KLHL8: variants seen among roughly 807,000 people sequenced by gnomAD.
KLHL8 encodes the protein kelch like family member 8, also known as kelch-like protein 8.
KLHL8 carries 38 observed loss-of-function variants against 63.5 expected under a neutral mutation model. The observed-to-expected ratio is 0.60, with a 90% CI of 0.46 to 0.78. The LOEUF (loss-of-function observed/expected upper bound fraction) is 0.78. Among genes scored for constraint, KLHL8 ranks in the 30% least tolerant of loss-of-function variants. The pLI is 0.00. For missense variants in KLHL8, 566 were observed against 752.4 expected (o/e 0.75, Z 2.90); for synonymous variants, 224 against 254.3 (o/e 0.88, Z 1.13).
intron 1 of KLHL8, among the ~76,000 whole-genome samples, chr4:87,238,507 C>A (rs956960252): frequency 1.3e-5 from 2 of 151,998 alleles, no homozygotes; most frequent in Non-Finnish European, 2.9e-5. Context: ...CCTAGCAAGA[C>A]CCTGTCACAC....
At chr4:87,195,218 A>G (rs1731646112) in intron 2 of KLHL8, 106 bp downstream of exon 2, 1 of 763,420 alleles carries the variant, frequency 1.3e-6, no homozygotes, top group Non-Finnish European at 2.1e-6. Context: ...TTCTGACTGT[A>G]TCAAATATGT....
At chr4:87,226,270 G>T (rs1313028131) in intron 1 of KLHL8, among the ~76,000 whole-genome samples, 1 of 151,956 alleles carries the variant, frequency 6.6e-6, no homozygotes, top group African/African-American at 2.4e-5. Flanking sequence ...TTAAGATATA[G>T]CTCTATATTA....
chr4:87,196,987 ACT>A (rs900298970), intron 1 of KLHL8, among the ~76,000 whole-genome samples: 1 of 152,132 alleles, frequency 6.6e-6, no homozygotes, highest in African/African-American at 2.4e-5. Context: ...GTTTCAGAAA[ACT>A]CTAAATATTC....
At chr4:87,211,067 C>T (rs1434710483) in intron 1 of KLHL8, among the ~76,000 whole-genome samples, 1 of 152,216 alleles carries the variant, frequency 6.6e-6, no homozygotes, top group Non-Finnish European at 1.5e-5. Context: ...CTCTTCACTG[C>T]TATTACTCCC....
chr4:87,181,805 C>A (rs1731063010), intron 4 of KLHL8, among the ~76,000 whole-genome samples: 1 of 152,128 alleles, frequency 6.6e-6, no homozygotes, highest in Non-Finnish European at 1.5e-5. Flanking sequence ...ATTTATATGA[C>A]TGTCTAGTAT....
In KLHL8 at chr4:87,195,357, A is replaced by C; in HGVS notation, c.183T>G (p.Tyr61Ter). The change falls in exon 2 of 10, where the codon TAT (tyrosine) becomes TAG (stop). Residue 61 changes from tyrosine to a stop codon, truncating the protein, a stop_gained. Coordinates refer to ENST00000273963, the MANE Select transcript of KLHL8 (RefSeq NM_020803.5). LOFTEE classifies it high-confidence loss of function. Reference sequence around the variant, plus strand: ...TGACATCACAGAGTTCTCCATTTTCATAAAATCGAAGAAGAGAACCATGAA... The same window carrying C: ...TGACATCACAGAGTTCTCCATTTTCCTAAAATCGAAGAAGAGAACCATGAA... Reference protein sequence around the residue: ...KDFHGSLLRFYENGELCDVTL... With the variant: ...KDFHGSLLRF The C allele has an allele frequency of 1.2e-6, 2 of 1,612,776 alleles. No individual in the cohort carries two copies. The highest frequency in any genetic ancestry group is 1.7e-6 in the Non-Finnish European group (2 of 1,179,864).
rs545218869 is a variant in KLHL8, at chr4:87,218,078, A to G, written c.-152+2340T>C. Among the ~76,000 whole-genome samples the G allele has an allele frequency of 2.0e-5, 3 of 152,296 alleles. No homozygotes were observed. In the South Asian group the frequency reaches 6.2e-4, roughly 32 times the overall value. Reference sequence around the variant, plus strand: ...ATAACATGTCAATGTAGGTTCATCAATTGTAATATACGTACCACTCTGATG... The same window carrying G: ...ATAACATGTCAATGTAGGTTCATCAGTTGTAATATACGTACCACTCTGATG... On this transcript the variant is annotated intron_variant, in intron 1 of 9. Transcript: ENST00000273963.
chr4:87,204,545 A>T (rs905987659), intron 1 of KLHL8, among the ~76,000 whole-genome samples: 21 of 152,256 alleles, frequency 1.4e-4, no homozygotes, highest in African/African-American at 4.8e-4. Flanking sequence ...GCAATTGCTA[A>T]AAACTGAAAA....
At chr4:87,202,780 G>A (rs1180614066) in intron 1 of KLHL8, among the ~76,000 whole-genome samples, 2 of 152,072 alleles carry the variant, frequency 1.3e-5, no homozygotes, top group Non-Finnish European at 2.9e-5. Flanking sequence ...TTCAGAAAAC[G>A]GAAGAGGAGA....
intron 1 of KLHL8, among the ~76,000 whole-genome samples, chr4:87,198,328 A>G (rs1731781664): frequency 6.6e-6 from 1 of 152,142 alleles, no homozygotes; most frequent in Non-Finnish European, 1.5e-5. Context: ...TAATAAAATA[A>G]AATAAGAAAA....
intron 1 of KLHL8, among the ~76,000 whole-genome samples, chr4:87,227,493 G>A (rs188268251): frequency 6.6e-6 from 1 of 152,116 alleles, no homozygotes; most frequent in Non-Finnish European, 1.5e-5. Context: ...TAAAAAGAAA[G>A]AAAAAAATTA....
intron 1 of KLHL8, among the ~76,000 whole-genome samples, chr4:87,204,728 A>T (rs1220874039): frequency 6.6e-6 from 1 of 152,262 alleles, no homozygotes; most frequent in Non-Finnish European, 1.5e-5. Flanking sequence ...TACATACTCT[A>T]TGATTCCATT....
chr4:87,170,165 A>G lies in KLHL8; in HGVS notation c.1451T>C (p.Leu484Pro). The G allele has an allele frequency of 6.2e-7, 1 of 1,614,064 alleles. No homozygotes were observed. Among genetic ancestry groups the G allele is most frequent in the South Asian group, 1.1e-5 (1 of 91,080 alleles). Reference sequence around the variant, plus strand: ...TTCTTTAACTTCTATCCACTTATCCAGATGTGGATCATATCTCTCCACGCT... The same window carrying G: ...TTCTTTAACTTCTATCCACTTATCCGGATGTGGATCATATCTCTCCACGCT... ...LSSVERYDPH[L>P]DKWIEVKEMG... is the part of the protein sequence containing the mutation. Residue 484 changes from leucine to proline, a missense_variant, in exon 8 of 10, where the codon CTG becomes CCG. By Grantham distance (98) the Leu-to-Pro change is moderately conservative (BLOSUM62 -3). Coordinates refer to ENST00000273963, the MANE Select transcript of KLHL8 (RefSeq NM_020803.5).
At chr4:87,230,157 C>A (rs1733109544) in intron 1 of KLHL8, among the ~76,000 whole-genome samples, 1 of 152,106 alleles carries the variant, frequency 6.6e-6, no homozygotes, top group Non-Finnish European at 1.5e-5. Flanking sequence ...GTTCCTGGAA[C>A]CTGGAGAGAG....
chr4:87,206,585 C>A (rs957011092), intron 1 of KLHL8, among the ~76,000 whole-genome samples: 1 of 152,186 alleles, frequency 6.6e-6, no homozygotes, highest in Admixed American at 6.5e-5. Flanking sequence ...CAAGGCCACA[C>A]AGTTCTGTAG....
intron 2 of KLHL8, among the ~76,000 whole-genome samples, chr4:87,193,199 C>T (rs1330326799): frequency 6.6e-6 from 1 of 152,292 alleles, no homozygotes; most frequent in East Asian, 1.9e-4. Context: ...CATTGCACAG[C>T]TCTACAAAAA....
intron 1 of KLHL8, among the ~76,000 whole-genome samples, chr4:87,195,937 A>G (rs1731678531): frequency 6.6e-6 from 1 of 152,164 alleles, no homozygotes; most frequent in Non-Finnish European, 1.5e-5. Flanking sequence ...GATGTGTAAT[A>G]TGCTATCTTC....
intron 4 of KLHL8, among the ~76,000 whole-genome samples, chr4:87,181,992 G>C (rs1257482791): frequency 3.3e-5 from 5 of 152,010 alleles, no homozygotes; most frequent in African/African-American, 1.2e-4. Context: ...ACTTCGGGAG[G>C]CCAAGGCAGG....
chr4:87,225,248 G>A (rs751253134), upstream of KLHL8, among the ~76,000 whole-genome samples: 1 of 152,088 alleles, frequency 6.6e-6, no homozygotes, highest in Non-Finnish European at 1.5e-5. Context: ...CCCCTCTCCA[G>A]TTTTGGGTTA....
Sources: gnomAD v4.1 joint callset for allele counts (sites outside exome capture counted in the v4.1 genomes callset) on GRCh38, gnomAD v4.1.1 for gene constraint, MANE v1.5 for transcripts, NCBI Gene and HGNC (gene_info 2026-07-23, HGNC 2026-07-21) for gene names.